Variants in MCTP1 observed in about 807,000 individuals in gnomAD.
MCTP1 encodes multiple C2 and transmembrane domain-containing protein 1.
A neutral mutation model predicts 120.6 loss-of-function variants in MCTP1; 69 were observed. The observed-to-expected ratio is 0.57, with a 90% CI of 0.47 to 0.70. The LOEUF (loss-of-function observed/expected upper bound fraction) is 0.70. Among genes scored for constraint, MCTP1 ranks in the 30% least tolerant of loss-of-function variants. The pLI is 0.00. For missense variants in MCTP1, 1,203 were observed against 1,248.8 expected, an observed-to-expected ratio of 0.96 and a Z score of 0.55; for synonymous variants, 529 against 493.1, an observed-to-expected ratio of 1.07 and a Z score of -0.96.
chr5:95,225,831 TTTTG>T, intron 1 of MCTP1, among the ~76,000 whole-genome samples: 1 of 152,264 alleles, frequency 6.6e-6, no homozygotes, highest in Non-Finnish European at 1.5e-5. Flanking sequence ...CCTCCCTCCC[TTTTG>T]TTTGACTTTA....
intron 17 of MCTP1, among the ~76,000 whole-genome samples, chr5:94,835,404 A>G (rs574146619): frequency 6.6e-6 from 1 of 152,336 alleles, no homozygotes; most frequent in African/African-American, 2.4e-5. Flanking sequence ...TGGATAACTT[A>G]TCCAAAGTGA....
At chr5:94,762,309 A>C (rs567422256) in intron 19 of MCTP1, among the ~76,000 whole-genome samples, 2 of 152,332 alleles carry the variant, frequency 1.3e-5, no homozygotes, top group African/African-American at 4.8e-5. Flanking sequence ...AAATGATACA[A>C]GTTCTTCCAG....
At chr5:95,025,015 T>C (rs982369380) in intron 1 of MCTP1, among the ~76,000 whole-genome samples, 1 of 152,154 alleles carries the variant, frequency 6.6e-6, no homozygotes, top group Non-Finnish European at 1.5e-5. Context: ...ACAGATTCAA[T>C]GCAATCTCTA....
At chr5:94,873,561 AT>A (rs1798224725) in intron 12 of MCTP1, among the ~76,000 whole-genome samples, 1 of 152,036 alleles carries the variant, frequency 6.6e-6, no homozygotes, top group Admixed American at 6.6e-5. Context: ...AATGTGATGC[AT>A]GTCCATCCCT....
chr5:95,171,408 G>A (rs902738001), intron 1 of MCTP1, among the ~76,000 whole-genome samples: 2 of 152,106 alleles, frequency 1.3e-5, no homozygotes, highest in African/African-American at 4.8e-5. Flanking sequence ...CCCTTCTCAA[G>A]GAGTATCTTT....
intron 17 of MCTP1, among the ~76,000 whole-genome samples, chr5:94,820,966 A>G (rs1294145211): frequency 6.6e-6 from 1 of 152,192 alleles, no homozygotes; most frequent in African/African-American, 2.4e-5. Flanking sequence ...CATGCAAGGT[A>G]GGGGTTAATA....
chr5:95,193,065 T>C (rs1749999320), intron 1 of MCTP1, among the ~76,000 whole-genome samples: 1 of 152,178 alleles, frequency 6.6e-6, no homozygotes, highest in Non-Finnish European at 1.5e-5. Context: ...AGTTGTATCC[T>C]AATAAGTGTT....
At chr5:94,925,926 C>T (rs1053108166) in intron 6 of MCTP1, among the ~76,000 whole-genome samples, 5 of 151,978 alleles carry the variant, frequency 3.3e-5, no homozygotes, top group Non-Finnish European at 7.4e-5. Context: ...CTAATACACA[C>T]TAAGAAAATT....
chr5:94,929,505 A>T, intron 6 of MCTP1: 1 of 365,048 alleles, frequency 2.7e-6, no homozygotes, highest in African/African-American at 2.2e-5. Flanking sequence ...TCCAAAAATA[A>T]AAAACGAAAA....
intron 6 of MCTP1, among the ~76,000 whole-genome samples, chr5:94,928,231 C>CACACACACAT (rs1283345606): frequency 6.6e-6 from 1 of 151,692 alleles, no homozygotes; most frequent in Non-Finnish European, 1.5e-5. Context: ...CACACACACA[C>CACACACACAT]ACACACACAC....
chr5:95,121,949 A>G lies in MCTP1; in HGVS notation c.721-104465T>C, dbSNP rs543536518. On this transcript the variant is annotated intron_variant, in intron 1 of 22. Coordinates refer to ENST00000515393, the MANE Select transcript of MCTP1 (RefSeq NM_024717.7). Reference sequence around the variant, plus strand: ...GATATCCATATGCAAAAAAAAAAAAAAAAGAAAGAAACTGTACTCCTATCT... The same window carrying G: ...GATATCCATATGCAAAAAAAAAAAAGAAAGAAAGAAACTGTACTCCTATCT... Among the ~76,000 whole-genome samples the G allele has an allele frequency of 9.9e-5, 15 of 151,250 alleles. No homozygotes were observed. The South Asian group carries it at 2.9e-3, about 29-fold the overall frequency.
intron 19 of MCTP1, among the ~76,000 whole-genome samples, chr5:94,725,921 G>A (rs1762038177): frequency 6.6e-6 from 1 of 152,096 alleles, no homozygotes; most frequent in African/African-American, 2.4e-5. Context: ...AACTTGAAGA[G>A]ACTGAAAAAG....
In MCTP1 at chr5:94,704,775, A is replaced by G. The variant is rs1754150632; in HGVS notation, c.*2721T>C. 6.6e-6 allele frequency: 1 copy of G among 150,676 alleles called. No individual in the cohort carries two copies. The highest frequency in any genetic ancestry group is 1.5e-5 in the Non-Finnish European group (1 of 67,356). 9.3% of individuals were successfully genotyped at this position (150,676 alleles called of 1,614,324 possible). Reference sequence around the variant, plus strand: ...CTCAGATTATCCTAGTGCATATAGAATGTTCAAAAACTGATTGATTGATTG... The same window carrying G: ...CTCAGATTATCCTAGTGCATATAGAGTGTTCAAAAACTGATTGATTGATTG... On this transcript the variant is annotated 3_prime_UTR_variant, in exon 23 of 23. Coordinates refer to ENST00000515393, the MANE Select transcript of MCTP1 (RefSeq NM_024717.7).
chr5:94,921,724 T>C (rs974153818), intron 7 of MCTP1, among the ~76,000 whole-genome samples: 1 of 152,148 alleles, frequency 6.6e-6, no homozygotes, highest in African/African-American at 2.4e-5. Flanking sequence ...GGTCACTGAT[T>C]TTCTGATTTT....
chr5:94,885,074 T>C (rs1561802387), intron 12 of MCTP1, among the ~76,000 whole-genome samples: 1 of 152,086 alleles, frequency 6.6e-6, no homozygotes, highest in Non-Finnish European at 1.5e-5. Flanking sequence ...TCTCTCTCTC[T>C]CCCCCTTTTT....
At chr5:94,750,374 TTTCA>T (rs1156674882) in intron 19 of MCTP1, among the ~76,000 whole-genome samples, 1 of 152,252 alleles carries the variant, frequency 6.6e-6, no homozygotes, top group African/African-American at 2.4e-5. Context: ...CATTCTCTCC[TTTCA>T]TTATTTTAGA....
chr5:95,026,055 G>A lies in MCTP1; in HGVS notation c.721-8571C>T, dbSNP rs151203653. On this transcript the variant is annotated intron_variant, in intron 1 of 22. Transcript: ENST00000515393. The stretch of plus-strand genomic sequence containing the variant: ...TAAAGGTGCTGGTAAAATCGAAGTC[G>A]GGAATGCCTCCTGACCTTTTTGAAA... 1.5e-4 allele frequency among the ~76,000 whole-genome samples: 23 copies of A among 152,180 alleles called. 1 individual carries two copies. Among genetic ancestry groups the A allele is most frequent in the South Asian group, 1.0e-3 (5 of 4,822 alleles).
chr5:95,159,678 A>AT (rs202030477), intron 1 of MCTP1, among the ~76,000 whole-genome samples: 44 of 151,334 alleles, frequency 2.9e-4, no homozygotes, highest in Middle Eastern at 3.4e-3. Flanking sequence ...CACAACTTTG[A>AT]TTTTTTTTTC....
chr5:95,049,523 G>A (rs761553381), intron 1 of MCTP1, among the ~76,000 whole-genome samples: 16 of 152,084 alleles, frequency 1.1e-4, no homozygotes, highest in African/African-American at 1.7e-4. Context: ...AAACTAAAAC[G>A]TCTATAAACT....
Sources: gnomAD v4.1 joint callset for allele counts (sites outside exome capture counted in the v4.1 genomes callset) on GRCh38, gnomAD v4.1.1 for gene constraint, MANE v1.5 for transcripts, NCBI Gene and HGNC (gene_info 2026-07-23, HGNC 2026-07-21) for gene names.